RSU1: variants seen among roughly 807,000 people sequenced by gnomAD.
RSU1 encodes rsu-1.
A neutral mutation model predicts 31.1 loss-of-function variants in RSU1; 26 were observed. The ratio of observed to expected loss-of-function variants is 0.84; its 90% CI spans 0.61 to 1.16. The LOEUF is 1.16. Among genes scored for constraint, RSU1 ranks in the 50% most tolerant of loss-of-function variants. RSU1 has a pLI of 0.00. For missense variants in RSU1, 320 were observed against 339.1 expected (o/e 0.94, Z 0.44); for synonymous variants, 164 against 136.3 (o/e 1.20, Z -1.41).
chr10:16,598,165 T>C (rs1250522615), intron 8 of RSU1, among the ~76,000 whole-genome samples: 1 of 152,126 alleles, frequency 6.6e-6, no homozygotes, highest in Non-Finnish European at 1.5e-5. Context: ...CAGGCATGAC[T>C]TAGTTAAGAA....
intron 8 of RSU1, among the ~76,000 whole-genome samples, chr10:16,665,379 G>T (rs1447343476): frequency 6.6e-6 from 1 of 152,130 alleles, no homozygotes; most frequent in Non-Finnish European, 1.5e-5. Flanking sequence ...AACACTAAGT[G>T]GTGGGCTCAG....
At chr10:16,651,012 A>G (rs1202384006) in intron 8 of RSU1, among the ~76,000 whole-genome samples, 7 of 152,202 alleles carry the variant, frequency 4.6e-5, no homozygotes, top group African/African-American at 1.4e-4. Flanking sequence ...TGGAATTTAG[A>G]TTTGATTTAC....
At chr10:16,717,190 C>A (rs995836045) in intron 7 of RSU1, among the ~76,000 whole-genome samples, 1 of 152,116 alleles carries the variant, frequency 6.6e-6, no homozygotes, top group African/African-American at 2.4e-5. Context: ...CTTTGCTTCC[C>A]GCTCTGGGGC....
intron 8 of RSU1, among the ~76,000 whole-genome samples, chr10:16,652,683 TTTTA>T (rs1396390521): frequency 6.6e-6 from 1 of 152,110 alleles, no homozygotes. Context: ...AAAAATCTTA[TTTTA>T]TTTATTTGTT....
chr10:16,683,160 G>GGTGTGTGTGTGTGTGTGT (rs4012467), intron 8 of RSU1, among the ~76,000 whole-genome samples: 4,745 of 143,354 alleles, frequency 0.033, 169 homozygotes, highest in African/African-American at 0.079. Context: ...ATGGGTGTGT[G>GGTGTGTGTGTGTGTGTGT]GTGTGTGTGT....
chr10:16,681,932 G>C (rs2131549374), intron 8 of RSU1, among the ~76,000 whole-genome samples: 1 of 151,704 alleles, frequency 6.6e-6, no homozygotes, highest in African/African-American at 2.4e-5. Context: ...TTTTTCCTTA[G>C]TGTTTCACGG....
rs371408592 is a variant in RSU1, at chr10:16,627,178, C to T, written c.732-33682G>A. 3.5e-4 allele frequency among the ~76,000 whole-genome samples: 54 copies of T among 152,252 alleles called. No homozygotes were observed. In the South Asian group the frequency reaches 0.011, roughly 30 times the overall value. ...AGTCTGCAGTTACAGCTGTTAGATT[C>T]GCAGGATTTCTATGCACAGATGCAA... On this transcript the variant is annotated intron_variant, in intron 8 of 8. Coordinates refer to ENST00000345264, the MANE Select transcript of RSU1 (RefSeq NM_012425.4).
At chr10:16,688,728 C>A (rs1430222180) in intron 8 of RSU1, among the ~76,000 whole-genome samples, 3 of 152,048 alleles carry the variant, frequency 2.0e-5, no homozygotes, top group African/African-American at 7.2e-5. Context: ...AAGCCAGGTG[C>A]CGTGGTGCGT....
chr10:16,630,863 T>C (rs979066428), intron 8 of RSU1, among the ~76,000 whole-genome samples: 5 of 152,200 alleles, frequency 3.3e-5, no homozygotes, highest in African/African-American at 1.2e-4. Flanking sequence ...TTGCTTTACA[T>C]AGAAATAGCC....
intron 2 of RSU1, among the ~76,000 whole-genome samples, chr10:16,808,866 G>C (rs1588550752): frequency 6.6e-6 from 1 of 152,184 alleles, no homozygotes; most frequent in African/African-American, 2.4e-5. Context: ...CATGAGAAGA[G>C]GAAACTGAAC....
chr10:16,673,994 A>G (rs1486180052), intron 8 of RSU1, among the ~76,000 whole-genome samples: 1 of 152,152 alleles, frequency 6.6e-6, no homozygotes, highest in African/African-American at 2.4e-5. Flanking sequence ...ATGGAACACA[A>G]AAGCAACACC....
intron 8 of RSU1, among the ~76,000 whole-genome samples, chr10:16,670,269 G>C (rs1047253447): frequency 1.3e-5 from 2 of 152,176 alleles, no homozygotes; most frequent in Non-Finnish European, 2.9e-5. Context: ...GATAGATTTC[G>C]ACAGTGTTCA....
intron 8 of RSU1, among the ~76,000 whole-genome samples, chr10:16,681,848 A>G (rs1022846233): frequency 2.2e-4 from 33 of 152,204 alleles, no homozygotes; most frequent in Non-Finnish European, 3.1e-4. Context: ...GTTCAAATTT[A>G]TAATAAAAAT....
rs889786439 is a variant in RSU1, at chr10:16,671,552, G to C, written c.731+23471C>G. ...TATCCTTAATCTCCTGGGCTCAAGC[G>C]ATCCTCCCACCTCAGCTTCCCAAGT... On this transcript the variant is annotated intron_variant, in intron 8 of 8. Coordinates refer to ENST00000345264, the MANE Select transcript of RSU1 (RefSeq NM_012425.4). Among the ~76,000 whole-genome samples, 7 of 152,092 alleles carry C rather than the reference G, an allele frequency of 4.6e-5. No homozygotes were observed. The East Asian group carries it at 9.7e-4, about 21-fold the overall frequency.
chr10:16,609,467 G>A (rs1320287061), intron 8 of RSU1, among the ~76,000 whole-genome samples: 3 of 152,208 alleles, frequency 2.0e-5, no homozygotes, highest in African/African-American at 7.2e-5. Context: ...AAACACCCCT[G>A]GAAGGTGCTA....
intron 8 of RSU1, among the ~76,000 whole-genome samples, chr10:16,680,602 G>T (rs1362904116): frequency 1.3e-5 from 2 of 152,060 alleles, no homozygotes; most frequent in African/African-American, 4.8e-5. Flanking sequence ...GCAAAAGCAG[G>T]AGCAAGAGGA....
At chr10:16,767,774 G>C (rs1321047037) in intron 3 of RSU1, among the ~76,000 whole-genome samples, 2 of 152,092 alleles carry the variant, frequency 1.3e-5, no homozygotes, top group Non-Finnish European at 2.9e-5. Context: ...AATAGGAGAG[G>C]CATGTTATTT....
chr10:16,597,842 C>T (rs1833645926), intron 8 of RSU1, among the ~76,000 whole-genome samples: 1 of 152,230 alleles, frequency 6.6e-6, no homozygotes, highest in South Asian at 2.1e-4. Flanking sequence ...CTCAGTGAGT[C>T]ATCGGCAGGG....
At chr10:16,762,417 G>T (rs1159420220) in intron 4 of RSU1, among the ~76,000 whole-genome samples, 1 of 151,206 alleles carries the variant, frequency 6.6e-6, no homozygotes, top group Non-Finnish European at 1.5e-5. Context: ...ACAAATTAAA[G>T]ATCAGGATAG....
Sources: allele counts gnomAD v4.1 joint callset (sites outside exome capture counted in the v4.1 genomes callset), GRCh38; gene constraint gnomAD v4.1.1; transcripts MANE v1.5; gene names NCBI Gene and HGNC (gene_info 2026-07-23, HGNC 2026-07-21).